Variants in MSH3 observed in about 807,000 individuals in gnomAD.
The protein encoded by MSH3 is mutS homolog 3, also known as DNA mismatch repair protein Msh3.
MSH3 carries 106 observed loss-of-function variants against 123.3 expected under a neutral mutation model. The observed-to-expected ratio is 0.86, with a 90% CI of 0.73 to 1.01. The LOEUF (loss-of-function observed/expected upper bound fraction) is 1.01, where lower values mean the gene tolerates loss of function less well. Among genes scored for constraint, MSH3 ranks in the 50% least tolerant of loss-of-function variants. The pLI is 0.00. For missense variants in MSH3, 1,459 were observed against 1,347.6 expected (o/e 1.08, Z -1.29); for synonymous variants, 515 against 481.4 (o/e 1.07, Z -0.91).
At chr5:80,676,362 T>C (rs1749838506) in intron 7 of MSH3, among the ~76,000 whole-genome samples, 1 of 152,308 alleles carries the variant, frequency 6.6e-6, no homozygotes, top group Non-Finnish European at 1.5e-5. Flanking sequence ...TCTGGCAGTT[T>C]ATGAATAAAT....
chr5:80,769,782 A>G (rs1378446185), intron 15 of MSH3, among the ~76,000 whole-genome samples: 3 of 152,080 alleles, frequency 2.0e-5, no homozygotes, highest in African/African-American at 7.2e-5. Flanking sequence ...AAAAATAGAT[A>G]TTTTTCCGGT....
In MSH3 at chr5:80,664,888, A is replaced by G. The variant is rs1012411765; in HGVS notation, c.359-255A>G. 2.0e-5 allele frequency among the ~76,000 whole-genome samples: 3 copies of G among 152,088 alleles called. No homozygotes were observed. The South Asian group carries it at 6.2e-4, about 31-fold the overall frequency. ...TTATGGGCTTATGTCTTCAAAAAAA[A>G]ACAAAAACAAAAAAGAAAAAAAACC... On this transcript the variant is annotated intron_variant, in intron 2 of 23. Coordinates refer to ENST00000265081, the MANE Select transcript of MSH3 (RefSeq NM_002439.5).
chr5:80,806,904 C>G (rs1362305178), intron 19 of MSH3, among the ~76,000 whole-genome samples: 1 of 152,032 alleles, frequency 6.6e-6, no homozygotes, highest in African/African-American at 2.4e-5. Context: ...ATTATCAATA[C>G]GTTCTTGGAA....
intron 15 of MSH3, among the ~76,000 whole-genome samples, chr5:80,774,477 G>A (rs1744265681): frequency 6.6e-6 from 1 of 151,626 alleles, no homozygotes. Context: ...CCCAAAGAAA[G>A]GTAATTAGTA....
At chr5:80,701,112 A>G (rs1750600441) in intron 8 of MSH3, among the ~76,000 whole-genome samples, 1 of 152,226 alleles carries the variant, frequency 6.6e-6, no homozygotes, top group Non-Finnish European at 1.5e-5. Context: ...TAAATGATTT[A>G]TTATTAGCAT....
At chr5:80,719,893 C>T (rs184331673) in intron 8 of MSH3, among the ~76,000 whole-genome samples, 115 of 152,310 alleles carry the variant, frequency 7.6e-4, no homozygotes, top group Non-Finnish European at 1.2e-3. Flanking sequence ...AATTACCTGG[C>T]AGGCTTGTTA....
intron 12 of MSH3, 143 bp downstream of exon 12, chr5:80,744,758 T>G: frequency 1.4e-6 from 1 of 701,080 alleles, no homozygotes; most frequent in Non-Finnish European, 2.5e-6. Flanking sequence ...AGCAATAGAC[T>G]GGCTCTCTAG....
chr5:80,803,807 G>T (rs1744836354), intron 19 of MSH3, among the ~76,000 whole-genome samples: 1 of 151,992 alleles, frequency 6.6e-6, no homozygotes, highest in African/African-American at 2.4e-5. Context: ...GGGTATTGAA[G>T]AGACTGTCTT....
At chr5:80,799,271 A>G (rs1194195424) in intron 19 of MSH3, among the ~76,000 whole-genome samples, 1 of 152,052 alleles carries the variant, frequency 6.6e-6, no homozygotes, top group Non-Finnish European at 1.5e-5. Flanking sequence ...TTCTGTTTCT[A>G]GTTCACCTTG....
At chr5:80,704,071 C>A (rs1750668090) in intron 8 of MSH3, among the ~76,000 whole-genome samples, 1 of 152,112 alleles carries the variant, frequency 6.6e-6, no homozygotes, top group South Asian at 2.1e-4. Flanking sequence ...CTTTGACACT[C>A]CTTCTGCTGA....
At chr5:80,668,512 G>A (rs2112811096) in intron 3 of MSH3, among the ~76,000 whole-genome samples, 1 of 152,288 alleles carries the variant, frequency 6.6e-6, no homozygotes, top group East Asian at 1.9e-4. Context: ...AGTCCAGAGG[G>A]GGCCGAGGCA....
intron 20 of MSH3, among the ~76,000 whole-genome samples, chr5:80,830,221 T>A (rs1217201935): frequency 6.6e-6 from 1 of 152,196 alleles, no homozygotes; most frequent in Non-Finnish European, 1.5e-5. Context: ...TATTTCCAAT[T>A]TCACTGATTT....
At chr5:80,802,014 A>G (rs1744797972) in intron 19 of MSH3, among the ~76,000 whole-genome samples, 1 of 152,202 alleles carries the variant, frequency 6.6e-6, no homozygotes, top group South Asian at 2.1e-4. Context: ...CATAGTATGC[A>G]TTCAATGAAC....
At chr5:80,828,472 G>A (rs529130507) in intron 20 of MSH3, among the ~76,000 whole-genome samples, 4 of 152,216 alleles carry the variant, frequency 2.6e-5, no homozygotes, top group South Asian at 4.1e-4. Context: ...TCAAACCACA[G>A]CATTCTGCCC....
At chr5:80,840,756 C>A (rs967388617) in intron 20 of MSH3, among the ~76,000 whole-genome samples, 1 of 151,942 alleles carries the variant, frequency 6.6e-6, no homozygotes, top group African/African-American at 2.4e-5. Context: ...GCCCCCTACC[C>A]CTAACAGGCC....
intron 19 of MSH3, 72 bp downstream of exon 19, chr5:80,792,916 A>AT: frequency 9.8e-7 from 1 of 1,015,732 alleles, no homozygotes; most frequent in African/African-American, 1.6e-5. Flanking sequence ...AAACATTTTT[A>AT]TAATTAAAAG....
At position 80,873,181 on chromosome 5, in the gene MSH3, A is replaced by G. The variant is rs1561506517; in HGVS notation, c.3196A>G (p.Arg1066Gly). 6.2e-7 allele frequency: 1 copy of G among 1,613,868 alleles called. No homozygotes were observed. Among genetic ancestry groups the G allele is most frequent in the East Asian group, 2.2e-5 (1 of 44,840 alleles). Residue 1066 changes from arginine (R) to glycine (G), a missense_variant, in exon 23 of 24, where the codon AGG becomes GGG. Arg to Gly is a moderately radical substitution (Grantham distance 125, BLOSUM62 -2). Coordinates refer to ENST00000265081, the MANE Select transcript of MSH3 (RefSeq NM_002439.5). ...CCAAATAACTAGAGGAATTGCAGCA[A>G]GGAGTTATGGATTAAATGTGGCTAA... ...LYQITRGIAA[R>G]SYGLNVAKLA...
At chr5:80,659,189 G>A (rs973644781) in intron 2 of MSH3, among the ~76,000 whole-genome samples, 3 of 151,582 alleles carry the variant, frequency 2.0e-5, no homozygotes, top group East Asian at 3.9e-4. Flanking sequence ...AGCCGAGATC[G>A]TGCCACTGCA....
In MSH3 at chr5:80,873,073, C is replaced by G. The variant is rs372327709; in HGVS notation, c.3131-43C>G. ...TCCTTTTTAATCCTCTAATTTATTTCAGCTTTCAGGCACAGTTTTGATCTC... is the reference window on the plus strand; with the variant it reads ...TCCTTTTTAATCCTCTAATTTATTTGAGCTTTCAGGCACAGTTTTGATCTC... On this transcript the variant is annotated intron_variant, in intron 22 of 23. Coordinates refer to ENST00000265081, the MANE Select transcript of MSH3 (RefSeq NM_002439.5). The G allele has an allele frequency of 1.6e-5, 25 of 1,548,508 alleles. No homozygotes were observed. The African/African-American group carries it at 3.3e-4, about 20-fold the overall frequency.
Sources: gnomAD v4.1 joint callset for allele counts (sites outside exome capture counted in the v4.1 genomes callset) on GRCh38, gnomAD v4.1.1 for gene constraint, MANE v1.5 for transcripts, NCBI Gene and HGNC (gene_info 2026-07-23, HGNC 2026-07-21) for gene names.